IGSF11: variants seen among roughly 807,000 people sequenced by gnomAD.
IGSF11 encodes CXADR like 1.
A neutral mutation model predicts 41.0 loss-of-function variants in IGSF11; 22 were observed. The observed-to-expected ratio is 0.54, with a 90% confidence interval of 0.38 to 0.77. The LOEUF is 0.77. IGSF11 is among the 30% of genes least tolerant of loss of function. IGSF11 has a pLI of 0.00. For missense variants in IGSF11, 444 were observed against 530.8 expected, an observed-to-expected ratio of 0.84 and a Z score of 1.61; for synonymous variants, 219 against 201.3, an observed-to-expected ratio of 1.09 and a Z score of -0.74.
At chr3:118,928,339 G>C (rs545056452) in intron 3 of IGSF11, among the ~76,000 whole-genome samples, 170 bp downstream of exon 3, 138 of 152,272 alleles carry the variant, frequency 9.1e-4, no homozygotes, top group African/African-American at 3.3e-3. Context: ...AGAAAGGAGG[G>C]GGAGACTATC....
chr3:118,927,035 A>T (rs1267833512), intron 3 of IGSF11, among the ~76,000 whole-genome samples: 1 of 152,184 alleles, frequency 6.6e-6, no homozygotes, highest in African/African-American at 2.4e-5. Flanking sequence ...CCCTTTCCAA[A>T]ATGAATAAAT....
intron 1 of IGSF11, among the ~76,000 whole-genome samples, chr3:119,103,123 A>G (rs140022277): frequency 0.045 from 6,785 of 150,772 alleles, 308 homozygotes; most frequent in Admixed American, 0.15. Context: ...TCAGTCTCCC[A>G]AGTAGCTGGG....
intron 4 of IGSF11, among the ~76,000 whole-genome samples, chr3:118,912,054 A>G (rs1940389657): frequency 6.6e-6 from 1 of 152,252 alleles, no homozygotes; most frequent in Admixed American, 6.5e-5. Context: ...CTAGTTTCAG[A>G]AAATGTTAAC....
chr3:119,043,084 A>G (rs1374144661), intron 1 of IGSF11, among the ~76,000 whole-genome samples: 2 of 152,214 alleles, frequency 1.3e-5, no homozygotes, highest in Admixed American at 6.5e-5. Context: ...CGTGGAACCC[A>G]GCGACTAGCG....
intron 1 of IGSF11, among the ~76,000 whole-genome samples, chr3:118,942,551 A>C (rs1265606924): frequency 6.6e-6 from 1 of 152,238 alleles, no homozygotes; most frequent in Non-Finnish European, 1.5e-5. Context: ...AGAGGCCAGA[A>C]ATTTAAGTTC....
chr3:118,912,420 C>T (rs1191322412), intron 4 of IGSF11, among the ~76,000 whole-genome samples: 2 of 152,118 alleles, frequency 1.3e-5, no homozygotes, highest in East Asian at 1.9e-4. Flanking sequence ...TAGCTCCAGC[C>T]CTGGATTTTC....
intron 1 of IGSF11, among the ~76,000 whole-genome samples, chr3:119,005,921 T>G (rs1937455651): frequency 7.2e-6 from 1 of 138,156 alleles, no homozygotes; most frequent in African/African-American, 3.1e-5. Context: ...TCAACTTTGG[T>G]GAATCTGACA....
At chr3:118,914,242 T>C (rs79221214) in intron 4 of IGSF11, among the ~76,000 whole-genome samples, 12,615 of 151,434 alleles carry the variant, frequency 0.083, 590 homozygotes, top group East Asian at 0.13. Flanking sequence ...AAATAGAAAA[T>C]CGGGGAGGAG....
chr3:118,926,459 G>C (rs1321534655), intron 3 of IGSF11, among the ~76,000 whole-genome samples: 1 of 152,114 alleles, frequency 6.6e-6, no homozygotes, highest in Non-Finnish European at 1.5e-5. Context: ...CTGCAGCTTT[G>C]GTAAGCAGGG....
In IGSF11 at chr3:119,020,015, T is replaced by C. The variant is rs549170233; in HGVS notation, c.52+14516A>G. ...AGGGAGCTCTTTGCCCCTTCCACCA[T>C]GTGAGGACACCACAAGAAGATAGCT... On this transcript the variant is annotated intron_variant, in intron 1 of 6. Coordinates refer to ENST00000393775, the MANE Select transcript of IGSF11 (RefSeq NM_001015887.3). 3.9e-5 allele frequency among the ~76,000 whole-genome samples: 6 copies of C among 152,278 alleles called. No individual in the cohort carries two copies. The South Asian group carries it at 1.2e-3, about 32-fold the overall frequency.
At chr3:118,916,331 G>C (rs1285339749) in intron 4 of IGSF11, among the ~76,000 whole-genome samples, 20 of 152,102 alleles carry the variant, frequency 1.3e-4, no homozygotes, top group Non-Finnish European at 5.9e-5. Flanking sequence ...AAAGAGTCAA[G>C]ACCCATCAGT....
rs796092239 is a variant in IGSF11 at position 119,136,249 on chromosome 3, AGAAG to A, written c.-14+9560_-14+9563del. ...AAAAAAGAAGACAGAAAGGAAAGAA[AGAAG>A]GAAGAGAAGACTACAAAACAACCAG... On this transcript the variant is annotated intron_variant, in intron 1 of 7. Coordinates refer to the IGSF11 transcript ENST00000425327. 9.9e-5 allele frequency among the ~76,000 whole-genome samples: 15 copies of A among 152,268 alleles called. 1 individual carries two copies. The highest frequency in any genetic ancestry group is 3.1e-4 in the African/African-American group (13 of 41,568).
chr3:118,988,745 C>A (rs1241751424), intron 1 of IGSF11, among the ~76,000 whole-genome samples: 3 of 152,102 alleles, frequency 2.0e-5, no homozygotes, highest in Non-Finnish European at 4.4e-5. Context: ...TAAAAAAAAA[C>A]TTGCTTCAAT....
At chr3:118,954,004 A>G (rs1302220398) in intron 1 of IGSF11, among the ~76,000 whole-genome samples, 3 of 152,108 alleles carry the variant, frequency 2.0e-5, no homozygotes, top group Admixed American at 2.0e-4. Flanking sequence ...GGTTATTCCA[A>G]TGTTATCTTC....
intron 1 of IGSF11, among the ~76,000 whole-genome samples, chr3:119,049,800 G>C (rs1281343375): frequency 1.3e-5 from 2 of 150,280 alleles, no homozygotes; most frequent in Non-Finnish European, 3.0e-5. Context: ...CCAAAACAGA[G>C]ATGTAGATCA....
chr3:118,907,372 G>A (rs1939735768), intron 4 of IGSF11, among the ~76,000 whole-genome samples: 1 of 152,074 alleles, frequency 6.6e-6, no homozygotes, highest in Non-Finnish European at 1.5e-5. Context: ...GAACAAGACA[G>A]GCCCAGTCCC....
chr3:119,037,082 T>TA (rs1364292678), upstream of IGSF11, among the ~76,000 whole-genome samples: 1 of 152,208 alleles, frequency 6.6e-6, no homozygotes, highest in Non-Finnish European at 1.5e-5. Context: ...GTGTGGTTTT[T>TA]AAAAAAATTC....
At chr3:118,940,908 CA>C (rs374776493) in intron 1 of IGSF11, among the ~76,000 whole-genome samples, 24,922 of 99,654 alleles carry the variant, frequency 0.25, 3,165 homozygotes, top group African/African-American at 0.46. Flanking sequence ...CTCCATATGC[CA>C]AAAAAAAAAA....
chr3:119,104,993 T>C, intron 1 of IGSF11: 1 of 537,678 alleles, frequency 1.9e-6, no homozygotes. Flanking sequence ...GAAAAAATGA[T>C]TTTTCCCAGG....
Sources: allele counts gnomAD v4.1 joint callset (sites outside exome capture counted in the v4.1 genomes callset), GRCh38; gene constraint gnomAD v4.1.1; transcripts MANE v1.5; gene names NCBI Gene and HGNC (gene_info 2026-07-23, HGNC 2026-07-21).